TFDP1: variants seen among roughly 807,000 people sequenced by gnomAD.
The protein encoded by TFDP1 is transcription factor Dp-1.
In TFDP1, 6 loss-of-function variants were observed where a neutral mutation model predicts 48.0. That is an observed-to-expected ratio of 0.13 (90% CI 0.07 to 0.25). TFDP1 has a LOEUF of 0.25. Ranked by LOEUF, TFDP1 falls within the 10% of genes least tolerant of loss-of-function variation. The pLI is 1.00. For synonymous variants in TFDP1, 201 were observed against 211.6 expected, an observed-to-expected ratio of 0.95 and a Z score of 0.44; for missense variants, 335 against 543.0, an observed-to-expected ratio of 0.62 and a Z score of 3.81.
intron 2 of TFDP1, among the ~76,000 whole-genome samples, chr13:113,589,463 G>A (rs181669427): frequency 7.2e-5 from 11 of 152,274 alleles, no homozygotes; most frequent in Admixed American, 3.3e-4. Flanking sequence ...TGGCCCACCC[G>A]GTCTGTGATA....
intron 3 of TFDP1, among the ~76,000 whole-genome samples, chr13:113,612,886 G>A (rs949309830): frequency 8.5e-5 from 13 of 152,150 alleles, no homozygotes; most frequent in African/African-American, 2.7e-4. Context: ...AGCTCGCCCC[G>A]CGTGCCCCGG....
At chr13:113,638,819 T>C (rs1400130542) in intron 11 of TFDP1, among the ~76,000 whole-genome samples, 1 of 152,232 alleles carries the variant, frequency 6.6e-6, no homozygotes, top group Non-Finnish European at 1.5e-5. Flanking sequence ...TATTGCATTG[T>C]GATACAATAT....
chr13:113,610,628 C>T (rs550146077), intron 2 of TFDP1, among the ~76,000 whole-genome samples: 5 of 151,652 alleles, frequency 3.3e-5, no homozygotes, highest in East Asian at 2.0e-4. Flanking sequence ...TGCCGTCACA[C>T]GTGTGTCCTT....
chr13:113,616,214 AAAAAAAG>A (rs1333060104), intron 3 of TFDP1, among the ~76,000 whole-genome samples: 3 of 140,454 alleles, frequency 2.1e-5, no homozygotes, highest in Non-Finnish European at 3.0e-5. Context: ...AAAAAAAAAA[AAAAAAAG>A]AGTAAGTGTG....
rs1345109358 is a variant in TFDP1 at position 113,634,001 on chromosome 13, A to G, written c.586A>G (p.Thr196Ala). 1 of 1,614,216 alleles carries G rather than the reference A, an allele frequency of 6.2e-7. No homozygotes were observed. Among genetic ancestry groups the G allele is most frequent in the Non-Finnish European group, 8.5e-7 (1 of 1,180,040 alleles). The change falls in exon 7 of 12, where the codon ACC becomes GCC. Residue 196 changes from threonine to alanine, a missense_variant. Thr to Ala is a moderately conservative substitution (Grantham distance 58, BLOSUM62 0). Coordinates refer to ENST00000375370, the MANE Select transcript of TFDP1 (RefSeq NM_007111.5). ...GGAGATCAAGTGGATTGGTCTGCCCACCAACTCGGCTCAGGAATGTCAGAA... is the reference window on the plus strand; with the variant it reads ...GGAGATCAAGTGGATTGGTCTGCCCGCCAACTCGGCTCAGGAATGTCAGAA... ...KKEIKWIGLP[T>A]NSAQECQNLE...
chr13:113,611,084 A>G (rs200113574), intron 3 of TFDP1, 22 bp downstream of exon 3: 20 of 1,605,934 alleles, frequency 1.2e-5, no homozygotes, highest in Non-Finnish European at 1.6e-5. Context: ...TGTTCTGGAC[A>G]CACTCTTGTG....
intron 2 of TFDP1, among the ~76,000 whole-genome samples, chr13:113,595,190 T>C (rs1364704213): frequency 3.9e-5 from 6 of 152,230 alleles, no homozygotes; most frequent in African/African-American, 1.2e-4. Flanking sequence ...ACGCTGTACC[T>C]AAACACTTCA....
chr13:113,623,750 G>C lies in TFDP1; in HGVS notation c.186+464G>C, dbSNP rs186440059. On this transcript the variant is annotated intron_variant, in intron 4 of 11. Coordinates refer to ENST00000375370, the MANE Select transcript of TFDP1 (RefSeq NM_007111.5). This position sits in a 1 kb window ranked among gnomAD's most constrained non-coding sequence, Gnocchi z 5.2. The stretch of plus-strand genomic sequence containing the variant: ...TTTGCCCCGGGGCAGTGACAGGGCA[G>C]ATGCTGCTCCCTTGGCCACGCACAG... Among the ~76,000 whole-genome samples the C allele has an allele frequency of 2.7e-4, 41 of 152,342 alleles. No homozygotes were observed. The East Asian group carries it at 7.7e-3, about 29-fold the overall frequency.
In TFDP1 at chr13:113,623,328, A is replaced by AGGTC; in HGVS notation, c.186+45_186+48dup. The AGGTC allele has an allele frequency of 6.4e-7, 1 of 1,556,512 alleles. No homozygotes were observed. The highest frequency in any genetic ancestry group is 2.4e-5 in the East Asian group (1 of 41,916). On this transcript the variant is annotated intron_variant, in intron 4 of 11. Coordinates refer to ENST00000375370, the MANE Select transcript of TFDP1 (RefSeq NM_007111.5). The surrounding 1 kb of genome is among the most constrained non-coding windows in gnomAD (Gnocchi z 5.2). ...AGCGGACAGCCGGGATCTCGGTGTG[A>AGGTC]GGTCGGGATCGGATGAGCCGTGTGG...
At chr13:113,630,522 G>C (rs1041809364) in intron 4 of TFDP1, among the ~76,000 whole-genome samples, 4 of 152,116 alleles carry the variant, frequency 2.6e-5, no homozygotes, top group Non-Finnish European at 4.4e-5. Flanking sequence ...TCAGGGCATC[G>C]GCCACATGAA....
intron 10 of TFDP1, 168 bp from the exon 11 acceptor site, chr13:113,637,650 G>A (rs1361574674): frequency 6.5e-7 from 1 of 1,539,320 alleles, no homozygotes; most frequent in Non-Finnish European, 8.7e-7. Context: ...TGCACAGCGG[G>A]ATGTCCTGCT....
At chr13:113,639,211 T>C (rs1406652758) in intron 11 of TFDP1, among the ~76,000 whole-genome samples, 1 of 152,264 alleles carries the variant, frequency 6.6e-6, no homozygotes, top group Non-Finnish European at 1.5e-5. Context: ...TCTGTAAACA[T>C]GTTTAATGCT....
At position 113,627,030 on chromosome 13, in the gene TFDP1, T is replaced by C. The variant is rs940121188; in HGVS notation, c.186+3744T>C. 6.6e-6 allele frequency among the ~76,000 whole-genome samples: 1 copy of C among 152,264 alleles called. No individual in the cohort carries two copies. The highest frequency in any genetic ancestry group is 1.5e-5 in the Non-Finnish European group (1 of 68,040). ...TCAGCTGTTCGGGTGGAGTTTGTCA[T>C]TGCTGTTTTGTGCTTTGCAAAATCC... On this transcript the variant is annotated intron_variant, in intron 4 of 11. Coordinates refer to ENST00000375370, the MANE Select transcript of TFDP1 (RefSeq NM_007111.5). The surrounding 1 kb of genome is among the most constrained non-coding windows in gnomAD (Gnocchi z 4.1).
At chr13:113,629,158 C>T (rs777396208) in intron 4 of TFDP1, among the ~76,000 whole-genome samples, 7 of 152,226 alleles carry the variant, frequency 4.6e-5, no homozygotes, top group East Asian at 1.9e-4. Flanking sequence ...GGAGCTGCCA[C>T]GCAGGGCACG....
intron 4 of TFDP1, among the ~76,000 whole-genome samples, chr13:113,624,025 G>C (rs1433074919): frequency 6.6e-6 from 1 of 152,126 alleles, no homozygotes; most frequent in Non-Finnish European, 1.5e-5. Flanking sequence ...CCATCCCAAG[G>C]CTAGGCCGGG....
At chr13:113,636,455 C>T in intron 9 of TFDP1, 79 bp from the exon 10 acceptor site, 2 of 1,510,834 alleles carry the variant, frequency 1.3e-6, no homozygotes, top group Non-Finnish European at 1.8e-6. Flanking sequence ...GTCAGCGGGT[C>T]AGCCGTCCTG....
chr13:113,604,699 G>A (rs1287451316), intron 2 of TFDP1, among the ~76,000 whole-genome samples: 1 of 152,192 alleles, frequency 6.6e-6, no homozygotes, highest in Admixed American at 6.5e-5. Context: ...CAGCCAGCCC[G>A]GGACCTGCCT....
chr13:113,631,013 G>A (rs2049322071), intron 4 of TFDP1, among the ~76,000 whole-genome samples: 1 of 152,224 alleles, frequency 6.6e-6, no homozygotes, highest in Non-Finnish European at 1.5e-5. Context: ...GCCGTTGTGG[G>A]TGCAGGGGTT....
At chr13:113,611,222 C>T (rs1183290773) in intron 3 of TFDP1, among the ~76,000 whole-genome samples, 160 bp downstream of exon 3, 4 of 152,226 alleles carry the variant, frequency 2.6e-5, no homozygotes, top group Non-Finnish European at 5.9e-5. Context: ...TAGGAGCCTT[C>T]TAGCATTTAG....
Sources: gnomAD v4.1 joint callset for allele counts (sites outside exome capture counted in the v4.1 genomes callset) on GRCh38, gnomAD v4.1.1 for gene constraint, Gnocchi (gnomAD v3.1) non-coding constraint, MANE v1.5 for transcripts, NCBI Gene and HGNC (gene_info 2026-07-23, HGNC 2026-07-21) for gene names.